Variants in DEPDC5 observed in about 807,000 individuals in gnomAD.
DEPDC5 encodes DEP domain containing 5, GATOR1 subcomplex subunit.
DEPDC5 carries 73 observed loss-of-function variants against 217.3 expected under a neutral mutation model. The ratio of observed to expected loss-of-function variants is 0.34; its 90% CI spans 0.28 to 0.41. The LOEUF (loss-of-function observed/expected upper bound fraction) is 0.41, where lower values mean the gene tolerates loss of function less well. Ranked by LOEUF, DEPDC5 falls within the 10% of genes least tolerant of loss-of-function variation. DEPDC5 has a pLI of 1.00. For synonymous variants in DEPDC5, 733 were observed against 756.7 expected (o/e 0.97, Z 0.51); for missense variants, 1,675 against 2,070.1 (o/e 0.81, Z 3.70).
intron 22 of DEPDC5, 53 bp downstream of exon 22, chr22:31,819,278 C>A: frequency 2.5e-6 from 4 of 1,594,926 alleles, no homozygotes; most frequent in South Asian, 2.2e-5. Flanking sequence ...TAGCCCTGGT[C>A]CTCAGTGTCG....
chr22:31,811,008 C>A (rs566366774), intron 20 of DEPDC5, among the ~76,000 whole-genome samples: 1 of 152,204 alleles, frequency 6.6e-6, no homozygotes, highest in East Asian at 1.9e-4. Flanking sequence ...CTCCCGACCT[C>A]AGGTGATCTG....
rs1350171688 is a variant in DEPDC5 at position 31,804,232 on chromosome 22, A to G, written c.1143+9A>G. 1.2e-6 allele frequency: 2 copies of G among 1,614,020 alleles called. No individual in the cohort carries two copies. The highest frequency in any genetic ancestry group is 1.1e-5 in the South Asian group (1 of 91,066). On this transcript the variant is annotated intron_variant, in intron 16 of 42. Transcript: ENST00000651528. ...CTGTCCCATTGTTCAAGGTAATTAG[A>G]TTTCGGATTTGTTTACTAAAGGCCA...
intron 31 of DEPDC5, among the ~76,000 whole-genome samples, chr22:31,854,958 G>GTTTTTTTTTTTTTTT (rs200660036): frequency 7.1e-6 from 1 of 140,172 alleles, no homozygotes. Context: ...AGTCTTGCTG[G>GTTTTTTTTTTTTTTT]TTTTTTTTTT....
chr22:31,818,030 A>G (rs1348336281), intron 21 of DEPDC5, among the ~76,000 whole-genome samples: 1 of 152,026 alleles, frequency 6.6e-6, no homozygotes, highest in South Asian at 2.1e-4. Flanking sequence ...GGCCAAGACA[A>G]ATTCCTTGGA....
chr22:31,862,748 C>A (rs912886637), intron 33 of DEPDC5, among the ~76,000 whole-genome samples: 1 of 151,876 alleles, frequency 6.6e-6, no homozygotes, highest in Non-Finnish European at 1.5e-5. Flanking sequence ...CTGTGTAGGT[C>A]TTCGGATATC....
At chr22:31,796,714 TG>T (rs2086278824) in intron 12 of DEPDC5, among the ~76,000 whole-genome samples, 1 of 151,098 alleles carries the variant, frequency 6.6e-6, no homozygotes, top group African/African-American at 2.4e-5. Context: ...TTTTTTTTTT[TG>T]AGATGGAGTC....
At chr22:31,765,444 C>A (rs575144206) in intron 5 of DEPDC5, among the ~76,000 whole-genome samples, 13 of 152,174 alleles carry the variant, frequency 8.5e-5, no homozygotes, top group African/African-American at 3.1e-4. Context: ...CCTGCACCAC[C>A]GCACCCAGCT....
chr22:31,812,304 TA>T (rs2088466593), intron 20 of DEPDC5, among the ~76,000 whole-genome samples: 1 of 152,092 alleles, frequency 6.6e-6, no homozygotes, highest in East Asian at 1.9e-4. Flanking sequence ...TCTTGGATTT[TA>T]TGCTTATGTT....
chr22:31,754,965 G>C lies in DEPDC5; in HGVS notation c.44G>C (p.Gly15Ala), dbSNP rs777122777. 1 of 1,614,200 alleles carries C rather than the reference G, an allele frequency of 6.2e-7. No individual in the cohort carries two copies. Among genetic ancestry groups the C allele is most frequent in the South Asian group, 1.1e-5 (1 of 91,088 alleles). ...KVYKLVIHKK[G>A]FGGSDDELVV... ...TACAAACTCGTCATCCACAAGAAGG[G>C]CTTTGGGGGCAGTGGTCAGTATCGA... The change falls in exon 2 of 43, where the codon GGC becomes GCC. Residue 15 changes from glycine to alanine, a missense_variant. Gly to Ala is a moderately conservative substitution (Grantham distance 60). Around this residue, in one of 11 missense-constraint regions of DEPDC5, gnomAD observed 628 missense variants for 762.1 expected, o/e 0.82. Coordinates refer to ENST00000651528, the MANE Select transcript of DEPDC5 (RefSeq NM_001242896.3).
chr22:31,757,621 A>G (rs2083676040), intron 2 of DEPDC5: 1 of 152,238 alleles, frequency 6.6e-6, no homozygotes, highest in African/African-American at 2.4e-5. Flanking sequence ...GCATAATTAA[A>G]GGTGATGTCT....
intron 7 of DEPDC5, among the ~76,000 whole-genome samples, chr22:31,772,419 C>G (rs2083443577): frequency 6.6e-6 from 1 of 152,116 alleles, no homozygotes; most frequent in Non-Finnish European, 1.5e-5. Context: ...TCTGCAGAGC[C>G]AGTGTTTAGC....
At chr22:31,845,361 A>C in intron 30 of DEPDC5, 124 bp downstream of exon 30, 1 of 1,294,072 alleles carries the variant, frequency 7.7e-7, no homozygotes, top group Non-Finnish European at 1.1e-6. Context: ...TGTTTACCTT[A>C]AATCCAAAAC....
intron 24 of DEPDC5, among the ~76,000 whole-genome samples, chr22:31,826,853 C>A (rs1905843001): frequency 6.6e-6 from 1 of 150,958 alleles, no homozygotes; most frequent in Non-Finnish European, 1.5e-5. Flanking sequence ...GAATAACACA[C>A]AATATTATTA....
intron 34 of DEPDC5, among the ~76,000 whole-genome samples, chr22:31,871,149 A>G (rs1365968466): frequency 6.6e-6 from 1 of 152,248 alleles, no homozygotes; most frequent in African/African-American, 2.4e-5. Flanking sequence ...TTCTTCTTCT[A>G]TTCCTTAGTA....
chr22:31,875,950 C>A, intron 36 of DEPDC5: 1 of 492,218 alleles, frequency 2.0e-6, no homozygotes, highest in Non-Finnish European at 3.6e-6. Flanking sequence ...TTTCTTCATG[C>A]CCTTCTGCAT....
intron 7 of DEPDC5, among the ~76,000 whole-genome samples, chr22:31,771,442 A>T (rs1019893430): frequency 6.6e-6 from 1 of 151,966 alleles, no homozygotes; most frequent in African/African-American, 2.4e-5. Context: ...ATTTTTAAAA[A>T]ATTGCTGGTT....
chr22:31,843,880 AC>A, intron 29 of DEPDC5, 68 bp downstream of exon 29: 1 of 1,438,844 alleles, frequency 7.0e-7, no homozygotes, highest in South Asian at 1.5e-5. Context: ...GTATTTTAAC[AC>A]TTTCTGCCCT....
At chr22:31,855,829 A>G (rs528242966) in intron 31 of DEPDC5, among the ~76,000 whole-genome samples, 16 of 152,232 alleles carry the variant, frequency 1.1e-4, no homozygotes, top group African/African-American at 3.9e-4. Flanking sequence ...TGTAAAAAAA[A>G]AAATTTAAGG....
At chr22:31,827,492 C>T (rs1029767105) in intron 24 of DEPDC5, among the ~76,000 whole-genome samples, 11 of 152,192 alleles carry the variant, frequency 7.2e-5, no homozygotes, top group African/African-American at 2.4e-4. Context: ...GTTACCTGGT[C>T]TTGGGCTCCT....
Sources: gnomAD v4.1 joint callset for allele counts (sites outside exome capture counted in the v4.1 genomes callset) on GRCh38, gnomAD v4.1.1 for gene constraint, gnomAD v4.1.1 regional missense constraint, MANE v1.5 for transcripts, NCBI Gene and HGNC (gene_info 2026-07-23, HGNC 2026-07-21) for gene names.